The following ARPP21 variants were observed in gnomAD, a reference collection of about 807,000 sequenced individuals.
ARPP21 encodes cAMP-regulated phosphoprotein 21.
Under a neutral mutation model 113.2 loss-of-function variants are expected in ARPP21, and 69 were observed. The observed-to-expected ratio is 0.61, with a 90% CI of 0.50 to 0.74. ARPP21 has a LOEUF of 0.74. ARPP21 is among the 30% of genes least tolerant of loss of function. The pLI is 0.00. For missense variants in ARPP21, 1,070 were observed against 1,037.4 expected, an observed-to-expected ratio of 1.03 and a Z score of -0.43; for synonymous variants, 368 against 375.5, an observed-to-expected ratio of 0.98 and a Z score of 0.23.
At chr3:35,642,467 G>T (rs1698444020) in intron 1 of ARPP21, 1 of 152,092 alleles carries the variant, frequency 6.6e-6, no homozygotes, top group Non-Finnish European at 1.5e-5. Context: ...TCATATGAAT[G>T]GAAATATGGA....
chr3:35,747,949 AAGAAAGAAAG>A (rs1042750362), intron 19 of ARPP21, among the ~76,000 whole-genome samples: 2 of 149,690 alleles, frequency 1.3e-5, no homozygotes, highest in African/African-American at 4.9e-5. Flanking sequence ...AAGAAAGAAA[AAGAAAGAAAG>A]AAAGAGAGAG....
chr3:35,684,259 G>C (rs1182740519), intron 5 of ARPP21: 1 of 1,214,688 alleles, frequency 8.2e-7, no homozygotes, highest in East Asian at 3.4e-5. Context: ...TTAGGAAATA[G>C]TGAATAAGGT....
chr3:35,764,639 T>C (rs1559893893), intron 19 of ARPP21, among the ~76,000 whole-genome samples: 1 of 152,084 alleles, frequency 6.6e-6, no homozygotes, highest in East Asian at 1.9e-4. Flanking sequence ...TTAAGCATAG[T>C]TTTCTTTGGT....
At chr3:35,641,769 G>C (rs1698158931) in intron 1 of ARPP21, 2 of 152,090 alleles carry the variant, frequency 1.3e-5, no homozygotes. Flanking sequence ...CACTTTGACA[G>C]AATATTTGTA....
At chr3:35,685,058 T>A (rs1319062711) in intron 5 of ARPP21, 2 of 985,088 alleles carry the variant, frequency 2.0e-6, no homozygotes, top group Non-Finnish European at 2.4e-6. Context: ...ACAATATATG[T>A]TAACTCTGCA....
Position 35,690,886 on chromosome 3 carries a change from T to A in ARPP21, c.567T>A (p.Pro189=). The A allele has an allele frequency of 6.2e-7, 1 of 1,609,660 alleles. No individual in the cohort carries two copies. The highest frequency in any genetic ancestry group is 8.5e-7 in the Non-Finnish European group (1 of 1,177,598). Residue 189 remains proline (P), a synonymous_variant, in exon 9 of 21, where the codon CCT becomes CCA. Transcript: ENST00000684406. ...ADNNNHYKKF[P]QMSSYQRMLV... is the part of the protein sequence containing the mutation. ...CTAGTAATCATTATAAAAAGTTCCC[T>A]CAGATGTCATCGTATCAGAGGATGC...
chr3:35,681,799 G>A lies in ARPP21; in HGVS notation c.48G>A (p.Gly16=). ...DLNQAIAEEG[G]TEQETATPEN... is the part of the protein sequence containing the mutation. The stretch of plus-strand genomic sequence containing the variant: ...ATCAGGCAATAGCAGAGGAAGGAGG[G>A]ACTGAGCAGGAGACGGCCACTCCAG... The change falls in exon 3 of 21, where the codon GGG becomes GGA. Residue 16 remains glycine, a synonymous_variant. Transcript: ENST00000684406. 1 of 1,611,806 alleles carries A rather than the reference G, an allele frequency of 6.2e-7. No individual in the cohort carries two copies. Among genetic ancestry groups the A allele is most frequent in the Non-Finnish European group, 8.5e-7 (1 of 1,178,500 alleles).
At chr3:35,715,522 G>T (rs780973913) in intron 12 of ARPP21, 46 bp downstream of exon 12, 8 of 1,460,008 alleles carry the variant, frequency 5.5e-6, no homozygotes, top group Non-Finnish European at 6.7e-6. Flanking sequence ...AACAACGTCT[G>T]TCATGTGTGT....
intron 19 of ARPP21, among the ~76,000 whole-genome samples, chr3:35,776,113 T>G (rs1029373528): frequency 1.1e-4 from 16 of 152,178 alleles, no homozygotes; most frequent in African/African-American, 3.9e-4. Context: ...AAAACACCAT[T>G]TATCATTTAT....
chr3:35,707,510 C>T (rs1013186865), intron 10 of ARPP21: 22 of 459,514 alleles, frequency 4.8e-5, no homozygotes, highest in Middle Eastern at 3.2e-4. Flanking sequence ...GATGATCAAC[C>T]GGTGTAGCTG....
chr3:35,779,120 T>G lies in ARPP21; in HGVS notation c.2138-13262T>G, dbSNP rs140885327. On this transcript the variant is annotated intron_variant, in intron 19 of 20. Coordinates refer to ENST00000684406, the MANE Select transcript of ARPP21 (RefSeq NM_001385562.1). ...TCTTTCTCCCTAATGGCTTACTCTGTGTTATCTTAGAAAAGTTTGTTGGTA... is the reference window on the plus strand; with the variant it reads ...TCTTTCTCCCTAATGGCTTACTCTGGGTTATCTTAGAAAAGTTTGTTGGTA... Among the ~76,000 whole-genome samples the G allele has an allele frequency of 2.9e-3, 437 of 152,304 alleles. 1 individual carries two copies. Among genetic ancestry groups the G allele is most frequent in the African/African-American group, 9.5e-3 (396 of 41,576 alleles).
chr3:35,657,525 G>C (rs1367072629), intron 1 of ARPP21, among the ~76,000 whole-genome samples: 8 of 152,106 alleles, frequency 5.3e-5, no homozygotes, highest in Admixed American at 5.2e-4. Context: ...GTACTTTTCT[G>C]AGTACTTTAT....
At chr3:35,756,183 T>A (rs2095562163) in intron 19 of ARPP21, among the ~76,000 whole-genome samples, 1 of 151,966 alleles carries the variant, frequency 6.6e-6, no homozygotes, top group Admixed American at 6.6e-5. Flanking sequence ...TCCAAATGAG[T>A]GGCACATAAA....
intron 1 of ARPP21, chr3:35,643,960 CA>C (rs1432831999): frequency 6.6e-6 from 1 of 151,906 alleles, no homozygotes; most frequent in Non-Finnish European, 1.5e-5. Flanking sequence ...TATTTTAAGT[CA>C]GCGATGATGC....
rs6786082 is a variant in ARPP21, at chr3:35,639,546, T to G, written c.-1065T>G. 134,409 of 152,506 alleles carry G rather than the reference T, an allele frequency of 0.88. 59,540 individuals carry two copies. Among genetic ancestry groups the G allele is most frequent in the African/African-American group, 0.97 (40,096 of 41,542 alleles). The allele number at this position is 152,506 out of a possible 1,614,324, so 9.4% of individuals were successfully genotyped here. On this transcript the variant is annotated 5_prime_UTR_variant, in exon 1 of 21. Transcript: ENST00000684406. This position sits in a 1 kb window ranked among gnomAD's most constrained non-coding sequence, Gnocchi z 5.0. ...GGGCAGACGACGGAGGCGGCCAAGCTGGAGGAACGGGACCGAGGGATCGAC... is the reference window on the plus strand; with the variant it reads ...GGGCAGACGACGGAGGCGGCCAAGCGGGAGGAACGGGACCGAGGGATCGAC...
intron 19 of ARPP21, among the ~76,000 whole-genome samples, chr3:35,784,375 G>A (rs965288291): frequency 1.1e-4 from 17 of 152,186 alleles, no homozygotes; most frequent in Non-Finnish European, 1.9e-4. Context: ...GGCATGGTGG[G>A]AATATTTACA....
At chr3:35,664,349 ATTG>A (rs972775303) in intron 1 of ARPP21, among the ~76,000 whole-genome samples, 3 of 152,156 alleles carry the variant, frequency 2.0e-5, no homozygotes, top group African/African-American at 7.2e-5. Flanking sequence ...GCAATACAAT[ATTG>A]TTAACTGTAG....
chr3:35,687,388 C>T (rs1161008060), intron 5 of ARPP21, among the ~76,000 whole-genome samples: 7 of 149,412 alleles, frequency 4.7e-5, no homozygotes, highest in African/African-American at 1.7e-4. Flanking sequence ...TTTTTTAATA[C>T]AATGGCTGTG....
chr3:35,677,604 A>G (rs2077849457), intron 1 of ARPP21, among the ~76,000 whole-genome samples: 1 of 144,228 alleles, frequency 6.9e-6, no homozygotes, highest in African/African-American at 2.4e-5. Context: ...TGTTTAAAAT[A>G]GTATTTCCAC....
Sources: allele counts gnomAD v4.1 joint callset (sites outside exome capture counted in the v4.1 genomes callset), GRCh38; gene constraint gnomAD v4.1.1; non-coding constraint Gnocchi (gnomAD v3.1); transcripts MANE v1.5; gene names NCBI Gene and HGNC (gene_info 2026-07-23, HGNC 2026-07-21).